The following LRRTM4 variants were observed in gnomAD, a reference collection of about 807,000 sequenced individuals.
LRRTM4 encodes the protein leucine-rich repeat transmembrane neuronal protein 4.
A neutral mutation model predicts 47.6 loss-of-function variants in LRRTM4; 25 were observed. That is an observed-to-expected ratio of 0.53 (90% confidence interval 0.38 to 0.73). LRRTM4 has a LOEUF of 0.73. Among genes scored for constraint, LRRTM4 ranks in the 30% least tolerant of loss-of-function variants. LRRTM4 has a pLI of 0.00. For missense variants in LRRTM4, 638 were observed against 713.4 expected, an observed-to-expected ratio of 0.89 and a Z score of 1.20; for synonymous variants, 311 against 269.5, an observed-to-expected ratio of 1.15 and a Z score of -1.51.
intron 3 of LRRTM4, among the ~76,000 whole-genome samples, chr2:77,203,133 A>G (rs1332024384): frequency 1.3e-5 from 2 of 151,992 alleles, no homozygotes; most frequent in East Asian, 1.9e-4. Context: ...ATGTGTGTGT[A>G]TATATATGCA....
intron 3 of LRRTM4, among the ~76,000 whole-genome samples, chr2:76,863,940 G>T (rs1281954846): frequency 6.6e-6 from 1 of 152,090 alleles, no homozygotes; most frequent in Admixed American, 6.6e-5. Context: ...ACACACACTG[G>T]TTTAAAAAGA....
chr2:76,807,920 TTTCTTTCCTTTCCTTTCTTTCTTTCTTTC>T (rs1022682992), intron 3 of LRRTM4, among the ~76,000 whole-genome samples: 2 of 114,322 alleles, frequency 1.7e-5, no homozygotes, highest in Non-Finnish European at 4.0e-5. Flanking sequence ...TTTTCTTTCC[TTTCTTTCCTTTCCTTTCTTTCTTTCTTTC>T]TTTCTTTTTC....
At chr2:77,010,331 G>A (rs996843274) in intron 3 of LRRTM4, among the ~76,000 whole-genome samples, 9 of 136,964 alleles carry the variant, frequency 6.6e-5, no homozygotes, top group Non-Finnish European at 1.3e-4. Context: ...TTTACTTTCT[G>A]TTTCTATGAG....
intron 3 of LRRTM4, among the ~76,000 whole-genome samples, chr2:77,321,830 A>G (rs1433460491): frequency 1.3e-5 from 2 of 152,112 alleles, no homozygotes; most frequent in Non-Finnish European, 2.9e-5. Flanking sequence ...TGGGAGCTTT[A>G]AAAGACTGTT....
intron 3 of LRRTM4, among the ~76,000 whole-genome samples, chr2:77,304,503 T>A (rs1226904907): frequency 6.6e-6 from 1 of 151,002 alleles, no homozygotes; most frequent in African/African-American, 2.5e-5. Flanking sequence ...ATGAAACAAC[T>A]GAGAATAAAT....
intron 3 of LRRTM4, among the ~76,000 whole-genome samples, chr2:77,492,518 C>G (rs1428376701): frequency 6.6e-6 from 1 of 152,104 alleles, no homozygotes; most frequent in Non-Finnish European, 1.5e-5. Flanking sequence ...CTTAGCCTCT[C>G]AAAGTTCTGG....
At chr2:77,411,744 A>G (rs1674448165) in intron 3 of LRRTM4, among the ~76,000 whole-genome samples, 1 of 147,386 alleles carries the variant, frequency 6.8e-6, no homozygotes, top group South Asian at 2.1e-4. Flanking sequence ...TGCTGGGATT[A>G]CAGATGTAAG....
intron 3 of LRRTM4, among the ~76,000 whole-genome samples, chr2:77,372,986 T>C (rs1672705093): frequency 6.7e-6 from 1 of 150,096 alleles, no homozygotes; most frequent in Admixed American, 6.7e-5. Flanking sequence ...TCATAAGGAA[T>C]ATCACCAGAT....
rs187102197 is a variant in LRRTM4, at chr2:76,828,165, T to C, written c.1552-79249A>G. The stretch of plus-strand genomic sequence containing the variant: ...ATCTCCTGTGAATTTCACTTTAACA[T>C]TGAATGATGTGAGGGTAAGTGATTG... On this transcript the variant is annotated intron_variant, in intron 3 of 3. Coordinates refer to ENST00000409884, the MANE Select transcript of LRRTM4 (RefSeq NM_001134745.3). Among the ~76,000 whole-genome samples, 448 of 152,050 alleles carry C rather than the reference T, an allele frequency of 2.9e-3. 2 individuals are homozygous for C. The highest frequency in any genetic ancestry group is 6.8e-3 in the Middle Eastern group (2 of 294).
At chr2:77,457,053 T>TAC (rs1558752163) in intron 3 of LRRTM4, among the ~76,000 whole-genome samples, 27 of 62,210 alleles carry the variant, frequency 4.3e-4, no homozygotes, top group African/African-American at 1.3e-3. Context: ...TATATATATG[T>TAC]ATAACCTGGA....
At chr2:76,899,252 CA>C (rs1433369619) in intron 3 of LRRTM4, among the ~76,000 whole-genome samples, 3 of 150,190 alleles carry the variant, frequency 2.0e-5, no homozygotes, top group Admixed American at 6.7e-5. Context: ...AACAAAACTG[CA>C]AAAACACCTG....
intron 3 of LRRTM4, among the ~76,000 whole-genome samples, chr2:76,969,180 T>C (rs546968020): frequency 3.3e-4 from 50 of 152,064 alleles, no homozygotes; most frequent in African/African-American, 1.2e-3. Context: ...CACAGCTAAT[T>C]AGTCTCTTGG....
intron 3 of LRRTM4, among the ~76,000 whole-genome samples, chr2:77,049,157 T>TATATACAC (rs1351971551): frequency 2.4e-4 from 26 of 106,350 alleles, no homozygotes; most frequent in African/African-American, 1.1e-3. Flanking sequence ...TATATATATA[T>TATATACAC]ACACACACAC....
chr2:77,261,359 T>C (rs1675914290), intron 3 of LRRTM4, among the ~76,000 whole-genome samples: 2 of 152,072 alleles, frequency 1.3e-5, no homozygotes, highest in South Asian at 4.1e-4. Flanking sequence ...AAAGTGGCAT[T>C]AGACATTTCT....
At chr2:76,807,435 T>TACAC (rs71940379) in intron 3 of LRRTM4, among the ~76,000 whole-genome samples, 1 of 64,942 alleles carries the variant, frequency 1.5e-5, no homozygotes, top group Non-Finnish European at 2.4e-5. Context: ...CATATATATA[T>TACAC]ACGTATATAC....
At chr2:77,047,505 G>C (rs577892383) in intron 3 of LRRTM4, among the ~76,000 whole-genome samples, 2 of 151,916 alleles carry the variant, frequency 1.3e-5, no homozygotes, top group Non-Finnish European at 2.9e-5. Flanking sequence ...CACTTCCGGT[G>C]GTTTGCTAGC....
intron 3 of LRRTM4, among the ~76,000 whole-genome samples, chr2:76,983,899 T>A (rs1353240650): frequency 6.6e-6 from 1 of 152,006 alleles, no homozygotes; most frequent in Non-Finnish European, 1.5e-5. Flanking sequence ...ACAAGAAAGT[T>A]GTGTTTCTAG....
chr2:77,194,937 G>A (rs2103886693), intron 3 of LRRTM4, among the ~76,000 whole-genome samples: 1 of 151,840 alleles, frequency 6.6e-6, no homozygotes, highest in East Asian at 1.9e-4. Flanking sequence ...AATTTATTTT[G>A]TAAGAATGTC....
At chr2:77,069,354 G>C (rs928519061) in intron 3 of LRRTM4, among the ~76,000 whole-genome samples, 2 of 150,440 alleles carry the variant, frequency 1.3e-5, no homozygotes, top group African/African-American at 4.9e-5. Context: ...GATTTTCTTG[G>C]ATATATACCT....
Sources: allele counts gnomAD v4.1 joint callset (sites outside exome capture counted in the v4.1 genomes callset), GRCh38; gene constraint gnomAD v4.1.1; transcripts MANE v1.5; gene names NCBI Gene and HGNC (gene_info 2026-07-23, HGNC 2026-07-21).